AK7: variants seen among roughly 807,000 people sequenced by gnomAD.
AK7 encodes the protein ATP-AMP transphosphorylase 7.
Under a neutral mutation model 96.6 loss-of-function variants are expected in AK7, and 78 were observed. The observed-to-expected ratio is 0.81, with a 90% CI of 0.67 to 0.97. The LOEUF (loss-of-function observed/expected upper bound fraction) is 0.97. AK7 is among the 50% of genes least tolerant of loss of function. AK7 has a pLI of 0.00. For missense variants in AK7, 855 were observed against 887.9 expected (o/e 0.96, Z 0.47); for synonymous variants, 302 against 317.2 (o/e 0.95, Z 0.51).
At chr14:96,448,015 G>T (rs1466256942) in intron 8 of AK7, among the ~76,000 whole-genome samples, 2 of 151,248 alleles carry the variant, frequency 1.3e-5, no homozygotes, top group African/African-American at 2.4e-5. Context: ...TGTAGTCCCA[G>T]ATACTCAGGA....
intron 12 of AK7, among the ~76,000 whole-genome samples, chr14:96,467,046 T>TAAA (rs11295444): frequency 5.8e-5 from 8 of 137,962 alleles, no homozygotes; most frequent in Admixed American, 2.9e-4. Context: ...GACGAATATG[T>TAAA]AAAAAAAAAA....
chr14:96,467,494 C>G (rs1304089713), intron 12 of AK7, among the ~76,000 whole-genome samples: 1 of 152,096 alleles, frequency 6.6e-6, no homozygotes, highest in African/African-American at 2.4e-5. Context: ...CGCCACCACA[C>G]CCGGCTAATT....
At chr14:96,420,544 T>TAA (rs1566772283) in intron 4 of AK7, among the ~76,000 whole-genome samples, 10 of 149,406 alleles carry the variant, frequency 6.7e-5, no homozygotes, top group African/African-American at 2.3e-4. Flanking sequence ...AAATGAAATA[T>TAA]AATAAAATAA....
At chr14:96,477,564 C>T (rs1428003069) in intron 14 of AK7, among the ~76,000 whole-genome samples, 1 of 152,226 alleles carries the variant, frequency 6.6e-6, no homozygotes, top group Non-Finnish European at 1.5e-5. Flanking sequence ...CACTGATCCA[C>T]ACTTAAATCT....
intron 3 of AK7, among the ~76,000 whole-genome samples, chr14:96,407,672 C>T (rs563601106): frequency 1.3e-5 from 2 of 150,494 alleles, no homozygotes; most frequent in South Asian, 4.2e-4. Context: ...AGCTCCGCCT[C>T]CCGGGTACAC....
chr14:96,431,527 C>T (rs1009067569), intron 5 of AK7, among the ~76,000 whole-genome samples: 1 of 152,168 alleles, frequency 6.6e-6, no homozygotes, highest in African/African-American at 2.4e-5. Flanking sequence ...ACCCAGTAGT[C>T]ATTCAGGAGC....
At chr14:96,448,024 G>A (rs1442933960) in intron 8 of AK7, among the ~76,000 whole-genome samples, 2 of 151,566 alleles carry the variant, frequency 1.3e-5, no homozygotes, top group Non-Finnish European at 2.9e-5. Context: ...AGATACTCAG[G>A]AGGCTGAGGT....
chr14:96,487,193 G>C (rs888444340), intron 17 of AK7, 137 bp downstream of exon 17: 1 of 768,856 alleles, frequency 1.3e-6, no homozygotes, highest in African/African-American at 1.8e-5. Flanking sequence ...TGCCAACATA[G>C]TGAAACCCCG....
chr14:96,394,400 T>C (rs1889934737), intron 1 of AK7, among the ~76,000 whole-genome samples: 1 of 152,198 alleles, frequency 6.6e-6, no homozygotes, highest in Non-Finnish European at 1.5e-5. Flanking sequence ...AGTCAATGAA[T>C]GTGTTTTTCT....
chr14:96,402,526 G>A lies in AK7; in HGVS notation c.295-2231G>A, dbSNP rs117600793. On this transcript the variant is annotated intron_variant, in intron 2 of 17. Transcript: ENST00000267584. ...CTAGAATACACATCTTTGAGTCCTC[G>A]TATTCTCCCAGTGTTTTCTTCTTTT... Among the ~76,000 whole-genome samples the A allele has an allele frequency of 4.8e-3, 735 of 152,264 alleles. 5 individuals are homozygous for A. The highest frequency in any genetic ancestry group is 8.6e-3 in the Non-Finnish European group (585 of 68,018).
chr14:96,488,108 T>A (rs1211546855), intron 17 of AK7, 197 bp from the exon 18 acceptor site: 1 of 448,268 alleles, frequency 2.2e-6, no homozygotes, highest in Non-Finnish European at 4.2e-6. Context: ...AGAGGAAGTT[T>A]CACCATGTTG....
chr14:96,415,210 A>G (rs1891261405), intron 4 of AK7, among the ~76,000 whole-genome samples: 1 of 152,104 alleles, frequency 6.6e-6, no homozygotes, highest in Admixed American at 6.5e-5. Flanking sequence ...ACCCCAGCAC[A>G]TTGGAAGGCT....
chr14:96,446,013 C>G (rs1260935464), intron 7 of AK7, among the ~76,000 whole-genome samples: 1 of 152,226 alleles, frequency 6.6e-6, no homozygotes, highest in Non-Finnish European at 1.5e-5. Context: ...ACCTTGGCAA[C>G]TGGGATAGGA....
Position 96,458,193 on chromosome 14 carries a change from G to C in AK7, c.1338G>C (p.Glu446Asp). ...DAQELLDGIKESMEQNAGQLD... is the reference protein window; with the variant it reads ...DAQELLDGIKDSMEQNAGQLD... ...AGGAGCTCCTAGATGGCATCAAGGA[G>C]AGCATGGAGCAGAATGCAGGTAACA... The change falls in exon 12 of 18, where the codon GAG becomes GAC. Residue 446 changes from glutamate (E) to aspartate (D), a missense_variant. Physicochemically the swap from Glu to Asp is conservative, Grantham distance 45. Transcript: ENST00000267584. 1 of 1,613,984 alleles carries C rather than the reference G, an allele frequency of 6.2e-7. No individual in the cohort carries two copies. The highest frequency in any genetic ancestry group is 8.5e-7 in the Non-Finnish European group (1 of 1,179,902).
chr14:96,452,531 G>A (rs1432986529), intron 10 of AK7, among the ~76,000 whole-genome samples: 1 of 152,120 alleles, frequency 6.6e-6, no homozygotes, highest in African/African-American at 2.4e-5. Flanking sequence ...TCACCATGTG[G>A]ACCAGGCTGG....
intron 12 of AK7, among the ~76,000 whole-genome samples, chr14:96,466,009 CAA>C (rs528356355): frequency 1.8e-4 from 19 of 107,764 alleles, no homozygotes; most frequent in African/African-American, 3.4e-4. Flanking sequence ...GACTCCATCT[CAA>C]AAAAAAAAAA....
At chr14:96,456,785 G>A (rs144158787) in intron 11 of AK7, 35 of 244,902 alleles carry the variant, frequency 1.4e-4, no homozygotes, top group African/African-American at 7.2e-4. Flanking sequence ...CGTCTTCTTC[G>A]TGGCCAACTC....
chr14:96,471,430 G>GA (rs756360770), intron 12 of AK7, 48 bp from the exon 13 acceptor site: 1 of 953,788 alleles, frequency 1.0e-6, no homozygotes, highest in Non-Finnish European at 1.4e-6. Flanking sequence ...CTCTTACTTA[G>GA]AATGTGATAC....
intron 7 of AK7, among the ~76,000 whole-genome samples, chr14:96,444,773 G>A (rs535633000): frequency 1.3e-5 from 2 of 151,210 alleles, no homozygotes; most frequent in South Asian, 2.1e-4. Context: ...GCTGGAGTGC[G>A]GTGCCACAAC....
Sources: gnomAD v4.1 joint callset for allele counts (sites outside exome capture counted in the v4.1 genomes callset) on GRCh38, gnomAD v4.1.1 for gene constraint, MANE v1.5 for transcripts, NCBI Gene and HGNC (gene_info 2026-07-23, HGNC 2026-07-21) for gene names.